CHST9: variants seen among roughly 807,000 people sequenced by gnomAD.
CHST9 encodes carbohydrate sulfotransferase 9.
A neutral mutation model predicts 44.4 loss-of-function variants in CHST9; 41 were observed. The ratio of observed to expected loss-of-function variants is 0.92; its 90% CI spans 0.72 to 1.20. The LOEUF (loss-of-function observed/expected upper bound fraction) is 1.20. Among genes scored for constraint, CHST9 ranks in the 50% most tolerant of loss-of-function variants. The pLI is 0.00. For synonymous variants in CHST9, 171 were observed against 178.4 expected (o/e 0.96, Z 0.33); for missense variants, 504 against 516.5 (o/e 0.98, Z 0.23).
At chr18:27,138,548 T>C (rs569658291) in intron 2 of CHST9, among the ~76,000 whole-genome samples, 33 of 152,250 alleles carry the variant, frequency 2.2e-4, no homozygotes, top group African/African-American at 6.3e-4. Context: ...TTGGGCACAA[T>C]TGAATTTTCC....
At chr18:27,150,719 T>C (rs2058652603) in intron 1 of CHST9, among the ~76,000 whole-genome samples, 1 of 152,218 alleles carries the variant, frequency 6.6e-6, no homozygotes, top group African/African-American at 2.4e-5. Context: ...ACCAGAAACC[T>C]TCATGTAACT....
chr18:26,927,841 C>T (rs1005181720), intron 5 of CHST9, among the ~76,000 whole-genome samples: 4 of 152,048 alleles, frequency 2.6e-5, no homozygotes, highest in Admixed American at 6.6e-5. Flanking sequence ...GGCTGGGGGA[C>T]GATCAGGTCT....
chr18:27,050,514 A>G (rs1185236719), intron 2 of CHST9, among the ~76,000 whole-genome samples: 6 of 152,182 alleles, frequency 3.9e-5, no homozygotes. Flanking sequence ...CAGCCCTTCG[A>G]GTCTTTTAAA....
intron 4 of CHST9, among the ~76,000 whole-genome samples, chr18:26,962,164 C>T: frequency 6.6e-6 from 1 of 152,110 alleles, no homozygotes; most frequent in South Asian, 2.1e-4. Flanking sequence ...TTCTAGTTCC[C>T]ATAACTGTTC....
At chr18:27,088,908 C>T (rs1284598463) in intron 2 of CHST9, among the ~76,000 whole-genome samples, 1 of 152,156 alleles carries the variant, frequency 6.6e-6, no homozygotes, top group Non-Finnish European at 1.5e-5. Context: ...GAACTGGCAG[C>T]TCTAACAGTC....
At chr18:26,966,199 G>A (rs1238260421) in intron 4 of CHST9, among the ~76,000 whole-genome samples, 1 of 152,112 alleles carries the variant, frequency 6.6e-6, no homozygotes, top group African/African-American at 2.4e-5. Flanking sequence ...TTTTTCTGAT[G>A]TATTAAAAAG....
rs1168125724 is a variant in CHST9, at chr18:26,992,365, T to TGG, written c.202+31749_202+31750dup. On this transcript the variant is annotated intron_variant, in intron 4 of 5. Coordinates refer to ENST00000618847, the MANE Select transcript of CHST9 (RefSeq NM_031422.6). Reference sequence around the variant, plus strand: ...TAAAGGAGTTTATAATCACTGAGGGTGGGGATTGACTGTCTCTTATTTACC... The same window carrying TGG: ...TAAAGGAGTTTATAATCACTGAGGGTGGGGGGATTGACTGTCTCTTATTTACC... Among the ~76,000 whole-genome samples the TGG allele has an allele frequency of 7.5e-5, 5 of 66,934 alleles. 2 individuals are homozygous for TGG. Among genetic ancestry groups the TGG allele is most frequent in the Non-Finnish European group, 2.0e-4 (5 of 24,674 alleles). The allele number at this position is 66,934 out of a possible 152,430, so 43.9% of individuals were successfully genotyped here. A position where few individuals can be genotyped will look rare whatever the true frequency, so the allele number is the denominator to read the frequency against.
chr18:27,157,685 G>A (rs2058708345), intron 1 of CHST9, among the ~76,000 whole-genome samples: 1 of 152,072 alleles, frequency 6.6e-6, no homozygotes, highest in Non-Finnish European at 1.5e-5. Flanking sequence ...CAAAGTAACT[G>A]CCTAAGGTAG....
In CHST9 at chr18:26,993,065, C is replaced by G. The variant is rs979634751; in HGVS notation, c.202+31051G>C. On this transcript the variant is annotated intron_variant, in intron 4 of 5. Transcript: ENST00000618847. ...ATTTGTCTACTAGGCATGATAATCA[C>G]CACTCTCCTCTCCCCATGTTGCTGT... 2.0e-5 allele frequency among the ~76,000 whole-genome samples: 3 copies of G among 152,196 alleles called. No individual in the cohort carries two copies. The South Asian group carries it at 6.2e-4, about 32-fold the overall frequency.
At chr18:27,096,853 C>A (rs377149572) in intron 2 of CHST9, among the ~76,000 whole-genome samples, 1 of 151,852 alleles carries the variant, frequency 6.6e-6, no homozygotes. Flanking sequence ...ACCAGATGTA[C>A]AAAGAGCTGG....
intron 1 of CHST9, among the ~76,000 whole-genome samples, chr18:27,144,546 A>G (rs1220002729): frequency 3.3e-5 from 5 of 152,036 alleles, no homozygotes; most frequent in Admixed American, 6.6e-5. Context: ...AAATTAGCCC[A>G]GCGTGGTGCC....
intron 5 of CHST9, among the ~76,000 whole-genome samples, chr18:26,918,470 T>C (rs982570203): frequency 2.0e-5 from 3 of 151,786 alleles, no homozygotes; most frequent in Non-Finnish European, 4.4e-5. Context: ...ATAAACATGA[T>C]TGCAAATATA....
In CHST9 at chr18:27,020,812, A is replaced by G. The variant is rs1027450512; in HGVS notation, c.202+3304T>C. Among the ~76,000 whole-genome samples the G allele has an allele frequency of 2.6e-5, 4 of 152,228 alleles. No homozygotes were observed. In the South Asian group the frequency reaches 8.3e-4, roughly 32 times the overall value. ...TCTCTCGGAGGTAAGTTTAGTAACTATCAAGATAGATCTTGGCAGCTCTCT... is the reference window on the plus strand; with the variant it reads ...TCTCTCGGAGGTAAGTTTAGTAACTGTCAAGATAGATCTTGGCAGCTCTCT... On this transcript the variant is annotated intron_variant, in intron 4 of 5. Coordinates refer to ENST00000618847, the MANE Select transcript of CHST9 (RefSeq NM_031422.6).
intron 4 of CHST9, among the ~76,000 whole-genome samples, chr18:27,019,540 G>C (rs148663818): frequency 3.8e-4 from 58 of 152,050 alleles, no homozygotes; most frequent in Non-Finnish European, 4.9e-4. Flanking sequence ...GCCTAGAGAC[G>C]TAAAGGAGTC....
intron 2 of CHST9, among the ~76,000 whole-genome samples, chr18:27,138,825 G>A (rs940256769): frequency 6.6e-6 from 1 of 152,074 alleles, no homozygotes. Context: ...CTAACAAACA[G>A]GAGATCTGAG....
At chr18:27,043,246 A>AT (rs1323353400) in intron 3 of CHST9, among the ~76,000 whole-genome samples, 1 of 151,982 alleles carries the variant, frequency 6.6e-6, no homozygotes, top group African/African-American at 2.4e-5. Flanking sequence ...GCTCATTCAT[A>AT]TCCAGGGCTT....
intron 2 of CHST9, among the ~76,000 whole-genome samples, chr18:27,068,216 T>C (rs1028892830): frequency 1.3e-5 from 2 of 152,210 alleles, no homozygotes; most frequent in African/African-American, 4.8e-5. Flanking sequence ...TTAAATTTTA[T>C]CATAATAGGC....
At chr18:27,180,675 C>T (rs1322698271) in intron 1 of CHST9, among the ~76,000 whole-genome samples, 1 of 152,156 alleles carries the variant, frequency 6.6e-6, no homozygotes, top group Non-Finnish European at 1.5e-5. Flanking sequence ...CTGCCACTAC[C>T]AGTGTGGCCT....
chr18:27,121,965 G>A (rs572948299), intron 2 of CHST9, among the ~76,000 whole-genome samples: 98 of 152,230 alleles, frequency 6.4e-4, no homozygotes, highest in African/African-American at 2.3e-3. Context: ...TCTTTTTTAT[G>A]ATAAATTGGT....
Sources: gnomAD v4.1 joint callset for allele counts (sites outside exome capture counted in the v4.1 genomes callset) on GRCh38, gnomAD v4.1.1 for gene constraint, MANE v1.5 for transcripts, NCBI Gene and HGNC (gene_info 2026-07-23, HGNC 2026-07-21) for gene names.